The following HSD17B12 variants were observed in gnomAD, a reference collection of about 807,000 sequenced individuals.
The protein encoded by HSD17B12 is very-long-chain 3-oxoacyl-CoA reductase.
In HSD17B12, 32 loss-of-function variants were observed where a neutral mutation model predicts 39.3. The ratio of observed to expected loss-of-function variants is 0.81; its 90% CI spans 0.61 to 1.09. HSD17B12 has a LOEUF of 1.09. Among genes scored for constraint, HSD17B12 ranks in the 50% least tolerant of loss-of-function variants. The pLI, the probability that HSD17B12 is intolerant of heterozygous loss-of-function variation, is 0.00. For synonymous variants in HSD17B12, 150 were observed against 146.7 expected, an observed-to-expected ratio of 1.02 and a Z score of -0.16; for missense variants, 342 against 382.9, an observed-to-expected ratio of 0.89 and a Z score of 0.89.
chr11:43,817,030 A>G (rs3978758), intron 6 of HSD17B12, among the ~76,000 whole-genome samples: 1 of 22,272 alleles, frequency 4.5e-5, no homozygotes, highest in African/African-American at 1.2e-4. Context: ...ATCTATATCT[A>G]TATCTATATC....
intron 1 of HSD17B12, among the ~76,000 whole-genome samples, chr11:43,728,569 A>AT (rs1344998310): frequency 2.0e-5 from 3 of 151,812 alleles, no homozygotes; most frequent in Non-Finnish European, 2.9e-5. Context: ...GATTCTTTAG[A>AT]TTTTTTTCCC....
At chr11:43,662,272 CACTGCA>C in the HSD17B12 span, among the ~76,000 whole-genome samples, 1 of 149,878 alleles carries the variant, frequency 6.7e-6, no homozygotes, top group African/African-American at 2.5e-5. Context: ...AATCTTAGCT[CACTGCA>C]ACCTCCGCTT....
chr11:43,643,639 C>A, the HSD17B12 span, among the ~76,000 whole-genome samples: 1 of 152,044 alleles, frequency 6.6e-6, no homozygotes, highest in African/African-American at 2.4e-5. Flanking sequence ...AAATATATTG[C>A]CCATATTTAA....
At chr11:43,674,405 G>A in the HSD17B12 span, among the ~76,000 whole-genome samples, 3 of 152,244 alleles carry the variant, frequency 2.0e-5, no homozygotes, top group African/African-American at 4.8e-5. Flanking sequence ...TGTGGAAGTC[G>A]CCATTTTTTC....
At chr11:43,842,913 T>G (rs1951440505) in intron 9 of HSD17B12, among the ~76,000 whole-genome samples, 1 of 152,230 alleles carries the variant, frequency 6.6e-6, no homozygotes, top group African/African-American at 2.4e-5. Flanking sequence ...CAAGACTGTC[T>G]CCTCTCTCAT....
chr11:43,733,983 C>T (rs1477486121), intron 1 of HSD17B12: 6 of 718,016 alleles, frequency 8.4e-6, no homozygotes, highest in Non-Finnish European at 1.3e-5. Context: ...ACGTAATGCT[C>T]CAGTCATCAC....
intron 1 of HSD17B12, among the ~76,000 whole-genome samples, chr11:43,741,005 G>A (rs1326808012): frequency 1.3e-5 from 2 of 152,046 alleles, no homozygotes; most frequent in African/African-American, 2.4e-5. Flanking sequence ...TGAATGCTTC[G>A]TTTTTTTCAT....
intron 1 of HSD17B12, among the ~76,000 whole-genome samples, chr11:43,690,036 C>G (rs908088810): frequency 6.6e-6 from 1 of 152,008 alleles, no homozygotes; most frequent in Admixed American, 6.6e-5. Flanking sequence ...TGTGACTGAC[C>G]CTTCTTACTC....
chr11:43,643,872 TA>T, the HSD17B12 span, among the ~76,000 whole-genome samples: 1 of 152,152 alleles, frequency 6.6e-6, no homozygotes. Flanking sequence ...TGGAAAATGA[TA>T]AAGTCGAAGG....
At chr11:43,633,424 T>C in the HSD17B12 span, among the ~76,000 whole-genome samples, 2 of 151,974 alleles carry the variant, frequency 1.3e-5, no homozygotes, top group African/African-American at 4.8e-5. Flanking sequence ...CTCAGCTACT[T>C]GGGAGGCTGA....
chr11:43,711,082 C>T (rs947289231), intron 1 of HSD17B12, among the ~76,000 whole-genome samples: 1 of 152,108 alleles, frequency 6.6e-6, no homozygotes, highest in African/African-American at 2.4e-5. Context: ...CATGAGCCAC[C>T]GTACCTGGCC....
At chr11:43,631,591 G>GTC in the HSD17B12 span, among the ~76,000 whole-genome samples, 3,441 of 138,934 alleles carry the variant, frequency 0.025, 127 homozygotes, top group African/African-American at 0.083. Flanking sequence ...CTCTCTCTCT[G>GTC]TCTCTCTCTC....
chr11:43,624,156 C>G, the HSD17B12 span, among the ~76,000 whole-genome samples: 3,777 of 152,014 alleles, frequency 0.025, 168 homozygotes, highest in African/African-American at 0.085. Flanking sequence ...GCACTTCACT[C>G]TGCGAGTTTG....
rs188087214 is a variant in HSD17B12, at chr11:43,798,206, T to G, written c.284-114T>G. 854 of 647,142 alleles carry G rather than the reference T, an allele frequency of 1.3e-3. 2 individuals are homozygous for G. Among genetic ancestry groups the G allele is most frequent in the Non-Finnish European group, 2.0e-3 (715 of 364,184 alleles). The allele number at this position is 647,142 out of a possible 1,614,324, so 40.1% of individuals were successfully genotyped here. A position where few individuals can be genotyped will look rare whatever the true frequency, so the allele number is the denominator to read the frequency against. Reference sequence around the variant, plus strand: ...AAATTATCCTGGTGTAAATTTTGTATCAAATTGGGTGGGGAGAAACGTCTG... The same window carrying G: ...AAATTATCCTGGTGTAAATTTTGTAGCAAATTGGGTGGGGAGAAACGTCTG... On this transcript the variant is annotated intron_variant, in intron 3 of 10. Coordinates refer to ENST00000278353, the MANE Select transcript of HSD17B12 (RefSeq NM_016142.3).
the HSD17B12 span, among the ~76,000 whole-genome samples, chr11:43,667,838 G>A: frequency 7.2e-5 from 11 of 152,124 alleles, no homozygotes; most frequent in African/African-American, 2.4e-4. Context: ...TGGATTTTTG[G>A]ATTAGGGATG....
the HSD17B12 span, among the ~76,000 whole-genome samples, chr11:43,640,384 A>G: frequency 6.6e-6 from 1 of 152,162 alleles, no homozygotes; most frequent in East Asian, 1.9e-4. Context: ...AGGAGAGACA[A>G]TTGTGGGCAG....
chr11:43,614,369 T>C, the HSD17B12 span, among the ~76,000 whole-genome samples: 438 of 152,348 alleles, frequency 2.9e-3, 2 homozygotes, highest in African/African-American at 0.01. Context: ...TAAAAAGTCA[T>C]CAATAATTAC....
intron 1 of HSD17B12, among the ~76,000 whole-genome samples, chr11:43,740,903 C>T (rs139010878): frequency 2.7e-4 from 41 of 152,366 alleles, no homozygotes; most frequent in Non-Finnish European, 4.7e-4. Context: ...AGGCAACCAG[C>T]AGGCTCTGGC....
the HSD17B12 span, among the ~76,000 whole-genome samples, chr11:43,595,884 A>G: frequency 1.3e-5 from 2 of 152,154 alleles, no homozygotes; most frequent in African/African-American, 2.4e-5. Flanking sequence ...TCCTATTGCC[A>G]TGTTTACATT....
Sources: allele counts gnomAD v4.1 joint callset (sites outside exome capture counted in the v4.1 genomes callset), GRCh38; gene constraint gnomAD v4.1.1; transcripts MANE v1.5; gene names NCBI Gene and HGNC (gene_info 2026-07-23, HGNC 2026-07-21).